ZDHHC7: variants seen among roughly 807,000 people sequenced by gnomAD.
The protein encoded by ZDHHC7 is zDHHC palmitoyltransferase 7, also known as palmitoyltransferase ZDHHC7.
Under a neutral mutation model 34.1 loss-of-function variants are expected in ZDHHC7, and 12 were observed. That is an observed-to-expected ratio of 0.35 (90% CI 0.23 to 0.57). The LOEUF (loss-of-function observed/expected upper bound fraction) is 0.57, where lower values mean the gene tolerates loss of function less well. ZDHHC7 is among the 20% of genes least tolerant of loss of function. The probability of loss-of-function intolerance (pLI) is 0.84; values close to 1 mark genes in which losing one functional copy is unlikely to be tolerated. For missense variants in ZDHHC7, 388 were observed against 402.7 expected (o/e 0.96, Z 0.31); for synonymous variants, 185 against 155.4 (o/e 1.19, Z -1.42).
intron 3 of ZDHHC7, among the ~76,000 whole-genome samples, chr16:84,987,111 C>G (rs2143614941): frequency 6.6e-6 from 1 of 152,350 alleles, no homozygotes; most frequent in East Asian, 1.9e-4. Context: ...CAGCCTCTCC[C>G]CTCTGTCCAC....
the ZDHHC7 span, among the ~76,000 whole-genome samples, chr16:85,016,868 A>G: frequency 1.3e-5 from 2 of 152,036 alleles, no homozygotes; most frequent in Non-Finnish European, 2.9e-5. Context: ...TCTGCCAGTC[A>G]TTTCCCCTTT....
At chr16:84,981,597 C>A (rs1377884582) in intron 4 of ZDHHC7, among the ~76,000 whole-genome samples, 1 of 152,220 alleles carries the variant, frequency 6.6e-6, no homozygotes, top group Non-Finnish European at 1.5e-5. Flanking sequence ...CTTGTCACCT[C>A]CTCCAGTTGT....
chr16:84,982,919 C>A (rs1201720609), intron 3 of ZDHHC7, among the ~76,000 whole-genome samples: 1 of 152,250 alleles, frequency 6.6e-6, no homozygotes, highest in Non-Finnish European at 1.5e-5. Flanking sequence ...ACCATGTCAA[C>A]TGAGGACCCG....
At chr16:85,009,699 GACTTT>G (rs2072763044) in intron 1 of ZDHHC7, among the ~76,000 whole-genome samples, 1 of 142,484 alleles carries the variant, frequency 7.0e-6, no homozygotes, top group South Asian at 2.2e-4. Flanking sequence ...ACCAAGTTCT[GACTTT>G]TTTTCTTTTT....
chr16:85,013,873 A>C (rs1441985168), upstream of ZDHHC7, among the ~76,000 whole-genome samples: 1 of 151,704 alleles, frequency 6.6e-6, no homozygotes, highest in African/African-American at 2.4e-5. Flanking sequence ...TTTTTAGTAG[A>C]GACGGGGTTT....
intron 4 of ZDHHC7, among the ~76,000 whole-genome samples, chr16:84,981,638 G>C (rs1237851811): frequency 6.6e-6 from 1 of 152,186 alleles, no homozygotes; most frequent in Non-Finnish European, 1.5e-5. Flanking sequence ...GGGAAGGAGG[G>C]GATCCCTGAA....
Position 84,979,180 on chromosome 16 carries a change from T to C in ZDHHC7, c.537+9A>G. On this transcript the variant is annotated intron_variant, in intron 5 of 7. Coordinates refer to ENST00000313732, the MANE Select transcript of ZDHHC7 (RefSeq NM_017740.3). ...AATGTAAATTCAATACAAAAATATT[T>C]TTACTTACAGTGAAGAGCACAAAAA... 4 of 1,585,190 alleles carry C rather than the reference T, an allele frequency of 2.5e-6. No individual in the cohort carries two copies. Among genetic ancestry groups the C allele is most frequent in the Non-Finnish European group, 3.4e-6 (4 of 1,170,914 alleles).
At chr16:85,026,359 A>G in the ZDHHC7 span, among the ~76,000 whole-genome samples, 7 of 152,076 alleles carry the variant, frequency 4.6e-5, no homozygotes, top group African/African-American at 1.7e-4. Flanking sequence ...GCAACCACGT[A>G]AAGGAATGAG....
rs943967578 is a variant in ZDHHC7 at position 85,008,495 on chromosome 16, C to T, written c.-104+2791G>A. ...ACCCAAGGGTGGTTTTGGGAACCACCACCTACACCCCCCCCCAAAAAAAAG... is the reference window on the plus strand; with the variant it reads ...ACCCAAGGGTGGTTTTGGGAACCACTACCTACACCCCCCCCCAAAAAAAAG... On this transcript the variant is annotated intron_variant, in intron 1 of 7. Transcript: ENST00000313732. 2.8e-5 allele frequency among the ~76,000 whole-genome samples: 4 copies of T among 141,206 alleles called. No individual in the cohort carries two copies. In the East Asian group the frequency reaches 8.7e-4, roughly 31 times the overall value. The allele number at this position is 141,206 out of a possible 152,430, so 92.6% of individuals were successfully genotyped here.
intron 1 of ZDHHC7, among the ~76,000 whole-genome samples, chr16:85,003,372 G>A (rs747926896): frequency 4.3e-4 from 65 of 152,196 alleles, no homozygotes; most frequent in Non-Finnish European, 7.6e-4. Context: ...GGTGGGGAAG[G>A]CTACAGAGGG....
At chr16:85,025,535 G>C in the ZDHHC7 span, among the ~76,000 whole-genome samples, 2 of 152,048 alleles carry the variant, frequency 1.3e-5, no homozygotes, top group Non-Finnish European at 2.9e-5. Context: ...CAAGCCTCCC[G>C]AGTAGCTGGG....
At chr16:85,011,690 T>TA (rs1209162173), upstream of ZDHHC7, among the ~76,000 whole-genome samples, 4 of 152,178 alleles carry the variant, frequency 2.6e-5, no homozygotes, top group African/African-American at 9.7e-5. Flanking sequence ...CCCCTCTCGC[T>TA]AAGACAGAGA....
chr16:85,007,952 A>G (rs2072739441), intron 1 of ZDHHC7, among the ~76,000 whole-genome samples: 1 of 151,956 alleles, frequency 6.6e-6, no homozygotes, highest in Non-Finnish European at 1.5e-5. Flanking sequence ...GTGAGACCCT[A>G]TCTCTACAAA....
chr16:84,996,693 G>C (rs2072582608), intron 1 of ZDHHC7, among the ~76,000 whole-genome samples: 1 of 152,124 alleles, frequency 6.6e-6, no homozygotes, highest in Non-Finnish European at 1.5e-5. Context: ...CCCCGCCACG[G>C]ACACAGAGGT....
intron 1 of ZDHHC7, among the ~76,000 whole-genome samples, chr16:85,007,479 G>C (rs2143751383): frequency 6.7e-6 from 1 of 148,764 alleles, no homozygotes; most frequent in African/African-American, 2.5e-5. Flanking sequence ...GCAGGGCCAA[G>C]ATTACTAAGA....
rs1265888340 is a variant in ZDHHC7, at chr16:84,974,345, G to C, written c.*1998C>G. ...TGTCATGGGCACAAAAGCATTTAGA[G>C]TTTCTGGAAACTGTTTGGGAGTGAC... is the stretch of plus-strand genomic sequence containing the variant. On this transcript the variant is annotated 3_prime_UTR_variant, in exon 8 of 8. Transcript: ENST00000313732. The C allele has an allele frequency of 6.6e-6, 1 of 152,180 alleles. No homozygotes were observed. Among genetic ancestry groups the C allele is most frequent in the Non-Finnish European group, 1.5e-5 (1 of 68,036 alleles). The allele number at this position is 152,180 out of a possible 1,614,324, so 9.4% of individuals were successfully genotyped here. A position where few individuals can be genotyped will look rare whatever the true frequency, so the allele number is the denominator to read the frequency against.
At chr16:85,001,288 C>A (rs1419303093) in intron 1 of ZDHHC7, among the ~76,000 whole-genome samples, 1 of 151,886 alleles carries the variant, frequency 6.6e-6, no homozygotes, top group African/African-American at 2.4e-5. Flanking sequence ...CTAGCCAACA[C>A]GGCGAAACCC....
upstream of ZDHHC7, among the ~76,000 whole-genome samples, chr16:85,016,029 G>A (rs925808052): frequency 3.3e-5 from 5 of 152,168 alleles, no homozygotes; most frequent in Middle Eastern, 3.4e-3. Flanking sequence ...AACAGGAGGA[G>A]GGATTATATA....
chr16:85,005,893 T>G (rs912632034), intron 1 of ZDHHC7, among the ~76,000 whole-genome samples: 1 of 152,114 alleles, frequency 6.6e-6, no homozygotes, highest in Non-Finnish European at 1.5e-5. Context: ...GACACAAAAT[T>G]CCTCCATTCC....
Sources: gnomAD v4.1 joint callset for allele counts (sites outside exome capture counted in the v4.1 genomes callset) on GRCh38, gnomAD v4.1.1 for gene constraint, MANE v1.5 for transcripts, NCBI Gene and HGNC (gene_info 2026-07-23, HGNC 2026-07-21) for gene names.